The following TSPOAP1 variants were observed in gnomAD, a reference collection of about 807,000 sequenced individuals.
TSPOAP1 encodes the protein peripheral-type benzodiazepine receptor-associated protein 1.
In TSPOAP1, 87 loss-of-function variants were observed where a neutral mutation model predicts 197.0. The ratio of observed to expected loss-of-function variants is 0.44; its 90% CI spans 0.37 to 0.53. The LOEUF (loss-of-function observed/expected upper bound fraction) is 0.53, where lower values mean the gene tolerates loss of function less well. Ranked by LOEUF, TSPOAP1 falls within the 20% of genes least tolerant of loss-of-function variation. TSPOAP1 has a pLI of 0.00. For synonymous variants in TSPOAP1, 913 were observed against 998.9 expected, an observed-to-expected ratio of 0.91 and a Z score of 1.62; for missense variants, 2,174 against 2,411.3, an observed-to-expected ratio of 0.90 and a Z score of 2.06.
chr17:58,314,475 C>T (rs1294993048), intron 16 of TSPOAP1, among the ~76,000 whole-genome samples: 2 of 152,112 alleles, frequency 1.3e-5, no homozygotes, highest in Non-Finnish European at 2.9e-5. Context: ...AGGAGAAACA[C>T]TAAGAGGAGG....
rs375227876 is a variant in TSPOAP1 at position 58,311,761 on chromosome 17, G to A, written c.2930-39C>T. On this transcript the variant is annotated intron_variant, in intron 17 of 31. Coordinates refer to ENST00000343736, the MANE Select transcript of TSPOAP1 (RefSeq NM_004758.4). ...GGCACAAGACCCAGTGATGCAGGAC[G>A]CTCCCCATCAGAGATACCTGCCCAA... 1.1e-4 allele frequency: 172 copies of A among 1,526,376 alleles called. No homozygotes were observed. The African/African-American group carries it at 1.8e-3, about 16-fold the overall frequency. 94.6% of individuals were successfully genotyped at this position (1,526,376 alleles called of 1,614,324 possible). A position where few individuals can be genotyped will look rare whatever the true frequency, so the allele number is the denominator to read the frequency against.
At position 58,306,452 on chromosome 17, in the gene TSPOAP1, G is replaced by A. The variant is rs373474865; in HGVS notation, c.5153-39C>T. The A allele has an allele frequency of 4.6e-4, 707 of 1,530,466 alleles. 8 individuals carry two copies. The South Asian group carries it at 8.0e-3, about 17-fold the overall frequency. 94.8% of individuals were successfully genotyped at this position (1,530,466 alleles called of 1,614,324 possible). A position where few individuals can be genotyped will look rare whatever the true frequency, so the allele number is the denominator to read the frequency against. ...GCAGAGAGAAAGCGAGGCAGGGGAG[G>A]TGGGAGAGACAGGACTGGGACTCTG... On this transcript the variant is annotated intron_variant, in intron 25 of 31. Coordinates refer to ENST00000343736, the MANE Select transcript of TSPOAP1 (RefSeq NM_004758.4).
At chr17:58,305,506 C>T (rs752222545) in intron 28 of TSPOAP1, 34 bp downstream of exon 28, 12 of 1,610,864 alleles carry the variant, frequency 7.4e-6, no homozygotes, top group East Asian at 4.5e-5. Flanking sequence ...GCTCTGCCAC[C>T]GCCCTTTGCT....
At position 58,305,656 on chromosome 17, in the gene TSPOAP1, TAGG is replaced by T. The variant is rs760345633; in HGVS notation, c.5258-16_5258-14del. On this transcript the variant is annotated splice_polypyrimidine_tract_variant and intron_variant, in intron 27 of 31. Transcript: ENST00000343736. ...AGCTTAGGGGGGCCTGCAGGGGGAG[TAGG>T]AGAAGACTCTGGACTCTCTGGAGAG... 2.5e-5 allele frequency: 36 copies of T among 1,431,150 alleles called. No homozygotes were observed. Among genetic ancestry groups the T allele is most frequent in the Non-Finnish European group, 3.4e-5 (36 of 1,048,826 alleles). 88.7% of individuals were successfully genotyped at this position (1,431,150 alleles called of 1,614,324 possible). A position where few individuals can be genotyped will look rare whatever the true frequency, so the allele number is the denominator to read the frequency against.
chr17:58,311,510 C>A, intron 18 of TSPOAP1, 61 bp downstream of exon 18: 1 of 1,518,760 alleles, frequency 6.6e-7, no homozygotes, highest in Admixed American at 2.2e-5. Context: ...GAGCCTAGAC[C>A]TCTGAGCATA....
intron 10 of TSPOAP1, among the ~76,000 whole-genome samples, 190 bp from the exon 11 acceptor site, chr17:58,320,771 C>A (rs1221747719): frequency 6.6e-6 from 1 of 152,076 alleles, no homozygotes; most frequent in Non-Finnish European, 1.5e-5. Flanking sequence ...CTCCTGAACA[C>A]CCACCCTGAA....
chr17:58,327,932 G>A lies in TSPOAP1; in HGVS notation c.-12C>T. 1 of 1,581,002 alleles carries A rather than the reference G, an allele frequency of 6.3e-7. No homozygotes were observed. The highest frequency in any genetic ancestry group is 1.1e-5 in the South Asian group (1 of 89,026). ...GTCAGTTGCTCCATGGTACTGCCAA[G>A]GGGCCCCAGAACCCGGGCCGGGGGA... On this transcript the variant is annotated 5_prime_UTR_variant, in exon 1 of 32. Coordinates refer to ENST00000343736, the MANE Select transcript of TSPOAP1 (RefSeq NM_004758.4).
chr17:58,305,253 G>A, intron 29 of TSPOAP1, 82 bp from the exon 30 acceptor site: 3 of 1,478,128 alleles, frequency 2.0e-6, no homozygotes, highest in Middle Eastern at 1.7e-4. Context: ...CTGGGGAACA[G>A]CTGGGGCCAA....
At position 58,302,138 on chromosome 17, in the gene TSPOAP1, C is replaced by T. The variant is rs767162026; in HGVS notation, c.*342G>A. On this transcript the variant is annotated 3_prime_UTR_variant, in exon 32 of 32. Transcript: ENST00000343736. ...GACCTTCACCAAGGCTCTTTGATTC[C>T]CTCTGAATGCCACAGTGTTAACGCA... 16 of 840,624 alleles carry T rather than the reference C, an allele frequency of 1.9e-5. No homozygotes were observed. Among genetic ancestry groups the T allele is most frequent in the African/African-American group, 3.6e-5 (2 of 55,274 alleles). The allele number at this position is 840,624 out of a possible 1,614,324, so 52.1% of individuals were successfully genotyped here. A position where few individuals can be genotyped will look rare whatever the true frequency, so the allele number is the denominator to read the frequency against.
chr17:58,313,626 A>G (rs1006063751), intron 16 of TSPOAP1, among the ~76,000 whole-genome samples: 1 of 149,622 alleles, frequency 6.7e-6, no homozygotes, highest in African/African-American at 2.5e-5. Context: ...AAAAAAAAAA[A>G]TTCTGCTGGT....
Position 58,328,184 on chromosome 17 carries a change from T to C in TSPOAP1, c.-264A>G. The C allele has an allele frequency of 1.9e-6, 1 of 522,492 alleles. No homozygotes were observed. The highest frequency in any genetic ancestry group is 2.4e-5 in the South Asian group (1 of 41,994). The allele number at this position is 522,492 out of a possible 1,614,324, so 32.4% of individuals were successfully genotyped here. On this transcript the variant is annotated 5_prime_UTR_variant, in exon 1 of 32. Coordinates refer to ENST00000343736, the MANE Select transcript of TSPOAP1 (RefSeq NM_004758.4). This position sits in a 1 kb window ranked among gnomAD's most constrained non-coding sequence, Gnocchi z 4.3. ...GCGAGTATGTGGAGGAGCGAGGGTG[T>C]CCCTGTGGGGGTAGGGAGGATGTGC...
intron 14 of TSPOAP1, among the ~76,000 whole-genome samples, chr17:58,317,887 C>T (rs976630138): frequency 2.6e-5 from 4 of 152,226 alleles, no homozygotes; most frequent in Non-Finnish European, 5.9e-5. Flanking sequence ...AGTGACTTGC[C>T]TAAGGCAAAG....
chr17:58,318,567 A>G lies in TSPOAP1; in HGVS notation c.1700-115T>C, dbSNP rs954103272. 5.8e-6 allele frequency: 6 copies of G among 1,032,592 alleles called. No individual in the cohort carries two copies. In the African/African-American group the frequency reaches 8.1e-5, roughly 14 times the overall value. The allele number at this position is 1,032,592 out of a possible 1,614,324, so 64.0% of individuals were successfully genotyped here. The stretch of plus-strand genomic sequence containing the variant: ...CCCTCCATAGCCGGGCTTCCTTACA[A>G]AAAGGGAAATATTTAGAGAGAAACT... On this transcript the variant is annotated intron_variant, in intron 13 of 31. Transcript: ENST00000343736.
chr17:58,312,501 C>T lies in TSPOAP1; in HGVS notation c.2320G>A (p.Asp774Asn), dbSNP rs763450483. Residue 774 changes from aspartate to asparagine, a missense_variant, in exon 17 of 32, where the codon GAC becomes AAC. Physicochemically the swap from Asp to Asn is conservative, Grantham distance 23. Coordinates refer to ENST00000343736, the MANE Select transcript of TSPOAP1 (RefSeq NM_004758.4). ...QPRPEEEDAG[D>N]ELSLSPSPEG... ...GGTGATGGGCTCAGACTGAGCTCGT[C>T]CCCTGCATCCTCCTCCTCAGGTCTG... 8 of 1,601,620 alleles carry T rather than the reference C, an allele frequency of 5.0e-6. No homozygotes were observed. The South Asian group carries it at 6.8e-5, about 14-fold the overall frequency.
chr17:58,304,475 C>G lies in TSPOAP1; in HGVS notation c.5545-76G>C. The G allele has an allele frequency of 6.4e-6, 8 of 1,252,914 alleles. No homozygotes were observed. The highest frequency in any genetic ancestry group is 2.3e-5 in the East Asian group (1 of 43,216). 77.6% of individuals were successfully genotyped at this position (1,252,914 alleles called of 1,614,324 possible). The stretch of plus-strand genomic sequence containing the variant: ...TTCTCCGCCCGGCCACCAGGTGGCC[C>G]TGCGCAGGGGTGGGCCCTACTCTCC... On this transcript the variant is annotated intron_variant, in intron 30 of 31. Transcript: ENST00000343736. The surrounding 1 kb of genome is among the most constrained non-coding windows in gnomAD (Gnocchi z 4.2).
chr17:58,301,849 A>T lies in TSPOAP1; in HGVS notation c.*631T>A, dbSNP rs1344188341. ...CCTTCAGGGGAGGGAAGACAGGATC[A>T]GGACAGCCAGAGCCATCAGGGGGCA... is the stretch of plus-strand genomic sequence containing the variant. On this transcript the variant is annotated 3_prime_UTR_variant, in exon 32 of 32. Coordinates refer to ENST00000343736, the MANE Select transcript of TSPOAP1 (RefSeq NM_004758.4). 1 of 159,874 alleles carries T rather than the reference A, an allele frequency of 6.3e-6. No individual in the cohort carries two copies. Among genetic ancestry groups the T allele is most frequent in the Non-Finnish European group, 1.4e-5 (1 of 72,130 alleles). The allele number at this position is 159,874 out of a possible 1,614,324, so 9.9% of individuals were successfully genotyped here. A position where few individuals can be genotyped will look rare whatever the true frequency, so the allele number is the denominator to read the frequency against.
chr17:58,327,551 C>T (rs1330282875), intron 1 of TSPOAP1, 37 bp downstream of exon 1: 1 of 1,579,994 alleles, frequency 6.3e-7, no homozygotes, highest in Non-Finnish European at 8.6e-7. Context: ...TGAGAGACCC[C>T]CACCTTGCAG....
intron 11 of TSPOAP1, 73 bp from the exon 12 acceptor site, chr17:58,320,202 C>A (rs374589173): frequency 1.4e-5 from 22 of 1,574,594 alleles, no homozygotes; most frequent in Non-Finnish European, 1.8e-5. Flanking sequence ...GAGAGGGAGG[C>A]GGAGAAGGGG....
intron 13 of TSPOAP1, 107 bp from the exon 14 acceptor site, chr17:58,318,559 T>G: frequency 8.7e-7 from 1 of 1,150,884 alleles, no homozygotes; most frequent in Non-Finnish European, 1.2e-6. Context: ...TAGCCGGGCT[T>G]CCTTACAAAA....
Sources: gnomAD v4.1 joint callset for allele counts (sites outside exome capture counted in the v4.1 genomes callset) on GRCh38, gnomAD v4.1.1 for gene constraint, Gnocchi (gnomAD v3.1) non-coding constraint, MANE v1.5 for transcripts, NCBI Gene and HGNC (gene_info 2026-07-23, HGNC 2026-07-21) for gene names.